The following KDM1A variants were observed in gnomAD, a reference collection of about 807,000 sequenced individuals.
The protein encoded by KDM1A is lysine-specific histone demethylase 1A.
A neutral mutation model predicts 109.4 loss-of-function variants in KDM1A; 49 were observed. The ratio of observed to expected loss-of-function variants is 0.45; its 90% CI spans 0.36 to 0.57. The LOEUF is 0.57. Ranked by LOEUF, KDM1A falls within the 20% of genes least tolerant of loss-of-function variation. The pLI is 0.00. For synonymous variants in KDM1A, 380 were observed against 415.4 expected (o/e 0.91, Z 1.04); for missense variants, 668 against 1,116.6 (o/e 0.60, Z 5.73).
At position 23,081,433 on chromosome 1, in the gene KDM1A, T is replaced by C. The variant is rs1643618901; in HGVS notation, c.2171-13T>C. On this transcript the variant is annotated splice_polypyrimidine_tract_variant and intron_variant, in intron 18 of 20. Transcript: ENST00000400181. ...GTAGGAAAACCCTAGAATTATCCTT[T>C]CTGTTTCCCCAGCTCCAATACTGTT... 3 of 1,613,820 alleles carry C rather than the reference T, an allele frequency of 1.9e-6. No individual in the cohort carries two copies. The highest frequency in any genetic ancestry group is 1.3e-5 in the African/African-American group (1 of 74,922).
intron 9 of KDM1A, 143 bp downstream of exon 9, chr1:23,059,310 G>A: frequency 1.4e-6 from 1 of 736,914 alleles, no homozygotes; most frequent in Non-Finnish European, 2.5e-6. Context: ...ATGATGTGAT[G>A]TTATTCTGGT....
chr1:23,068,483 T>C (rs1643217659), intron 10 of KDM1A, 56 bp from the exon 11 acceptor site: 1 of 1,426,842 alleles, frequency 7.0e-7, no homozygotes. Context: ...TGTGTTTTCA[T>C]GGATGGTTAT....
intron 2 of KDM1A, among the ~76,000 whole-genome samples, chr1:23,034,517 T>C (rs1449859609): frequency 1.3e-5 from 2 of 151,098 alleles, no homozygotes; most frequent in East Asian, 1.9e-4. Flanking sequence ...TTGCTCAGAT[T>C]GTTACCCTGT....
chr1:23,056,074 A>G lies in KDM1A; in HGVS notation c.990+36A>G, dbSNP rs370705969. 54 of 1,350,774 alleles carry G rather than the reference A, an allele frequency of 4.0e-5. No individual in the cohort carries two copies. In the South Asian group the frequency reaches 4.3e-4, roughly 11 times the overall value. 83.7% of individuals were successfully genotyped at this position (1,350,774 alleles called of 1,614,324 possible). ...CATTTTGAGTTTAGAGGCTTGACCT[A>G]TTGGAAATATGGTAAGCAAATTATC... On this transcript the variant is annotated intron_variant, in intron 7 of 20. Transcript: ENST00000400181.
rs1643221111 is a variant in KDM1A, at chr1:23,068,561, T to TG, written c.1204dup (p.Val402GlyfsTer6). On this transcript the variant is annotated frameshift_variant, in exon 11 of 21. Transcript: ENST00000400181. LOFTEE classifies it high-confidence loss of function. Reference sequence around the variant, plus strand: ...CAGGTTCCTAAAGAGAAAGATGAAATGGTAGAGCAAGAGTTTAACCGGTTG... The same window carrying TG: ...CAGGTTCCTAAAGAGAAAGATGAAATGGGTAGAGCAAGAGTTTAACCGGTTG... 1 of 1,590,326 alleles carries TG rather than the reference T, an allele frequency of 6.3e-7. No individual in the cohort carries two copies. The highest frequency in any genetic ancestry group is 8.5e-7 in the Non-Finnish European group (1 of 1,173,870).
At position 23,078,981 on chromosome 1, in the gene KDM1A, C is replaced by T. The variant is rs768065301; in HGVS notation, c.1868-9C>T. 2.4e-5 allele frequency: 38 copies of T among 1,610,380 alleles called. No individual in the cohort carries two copies. The highest frequency in any genetic ancestry group is 3.0e-5 in the Non-Finnish European group (35 of 1,177,396). Reference sequence around the variant, plus strand: ...TCACCACTAGTCTTTTCCCACCCAACCTCTGCAGGATGTGAAGTGATAGCT... The same window carrying T: ...TCACCACTAGTCTTTTCCCACCCAATCTCTGCAGGATGTGAAGTGATAGCT... On this transcript the variant is annotated splice_polypyrimidine_tract_variant and intron_variant, in intron 16 of 20. Coordinates refer to ENST00000400181, the MANE Select transcript of KDM1A (RefSeq NM_001009999.3).
intron 2 of KDM1A, among the ~76,000 whole-genome samples, chr1:23,031,765 G>T (rs1311200330): frequency 6.6e-6 from 1 of 152,162 alleles, no homozygotes; most frequent in Non-Finnish European, 1.5e-5. Context: ...AAGGAATACA[G>T]TTTGAGAACA....
chr1:23,061,252 G>A (rs1642991572), intron 9 of KDM1A, among the ~76,000 whole-genome samples: 1 of 152,112 alleles, frequency 6.6e-6, no homozygotes. Flanking sequence ...TTCAGATGGT[G>A]ACTTTTTTTT....
chr1:23,062,767 C>A (rs1401410749), intron 9 of KDM1A, among the ~76,000 whole-genome samples: 6 of 152,084 alleles, frequency 3.9e-5, no homozygotes, highest in African/African-American at 1.2e-4. Flanking sequence ...ACAACAAAGT[C>A]TTCCTTAGTA....
intron 19 of KDM1A, 58 bp from the exon 20 acceptor site, chr1:23,082,162 A>C: frequency 6.3e-7 from 1 of 1,578,196 alleles, no homozygotes; most frequent in Non-Finnish European, 8.7e-7. Context: ...TCCACCTTTC[A>C]AGGATTGATT....
rs1643496731 is a variant in KDM1A at position 23,077,363 on chromosome 1, AT to A, written c.1867+4del. The A allele has an allele frequency of 6.2e-7, 1 of 1,610,192 alleles. No homozygotes were observed. The highest frequency in any genetic ancestry group is 8.5e-7 in the Non-Finnish European group (1 of 1,177,522). ...ACAGGTTCGCTACACGGCTTCAGGT[AT>A]GTCACTGCTTTACAAAAGGTAAGAG... On this transcript the variant is annotated splice_donor_region_variant and intron_variant, in intron 16 of 20. Coordinates refer to ENST00000400181, the MANE Select transcript of KDM1A (RefSeq NM_001009999.3).
intron 9 of KDM1A, among the ~76,000 whole-genome samples, chr1:23,064,033 C>T (rs1445843929): frequency 6.6e-6 from 1 of 152,116 alleles, no homozygotes; most frequent in African/African-American, 2.4e-5. Flanking sequence ...ACCACAGGCA[C>T]ACACCCCTAC....
At chr1:23,048,212 C>G (rs1478408606) in intron 3 of KDM1A, among the ~76,000 whole-genome samples, 2 of 150,096 alleles carry the variant, frequency 1.3e-5, no homozygotes, top group Non-Finnish European at 3.0e-5. Flanking sequence ...TAGATAAGTT[C>G]TTTATAATGT....
intron 2 of KDM1A, among the ~76,000 whole-genome samples, chr1:23,038,154 G>A (rs892814990): frequency 2.6e-5 from 4 of 152,116 alleles, no homozygotes; most frequent in Admixed American, 6.6e-5. Context: ...AGACCAGACA[G>A]ACACACATAC....
At chr1:23,038,341 A>G (rs1408214289) in intron 2 of KDM1A, among the ~76,000 whole-genome samples, 1 of 152,012 alleles carries the variant, frequency 6.6e-6, no homozygotes, top group East Asian at 1.9e-4. Flanking sequence ...TGAGAATGAC[A>G]GACTTTGGGA....
chr1:23,057,214 G>A (rs1478768209), intron 7 of KDM1A, among the ~76,000 whole-genome samples: 1 of 152,144 alleles, frequency 6.6e-6, no homozygotes, highest in Non-Finnish European at 1.5e-5. Context: ...TCTTCCAGCT[G>A]TCAAGACTGT....
chr1:23,075,904 G>A (rs1342986057), intron 15 of KDM1A, among the ~76,000 whole-genome samples: 4 of 152,014 alleles, frequency 2.6e-5, no homozygotes, highest in African/African-American at 7.2e-5. Flanking sequence ...CCGAGATCAC[G>A]CCACTGCACT....
intron 19 of KDM1A, chr1:23,081,996 G>GGTCACC: frequency 3.9e-6 from 2 of 512,970 alleles, no homozygotes; most frequent in Non-Finnish European, 6.9e-6. Context: ...GTAGATCTCT[G>GGTCACC]GATTCATAGA....
intron 9 of KDM1A, among the ~76,000 whole-genome samples, chr1:23,062,000 G>T (rs1438914170): frequency 2.6e-5 from 4 of 152,148 alleles, no homozygotes; most frequent in Admixed American, 2.6e-4. Flanking sequence ...AGTACAAAGA[G>T]CCCCACTAAT....
Sources: allele counts gnomAD v4.1 joint callset (sites outside exome capture counted in the v4.1 genomes callset), GRCh38; gene constraint gnomAD v4.1.1; transcripts MANE v1.5; gene names NCBI Gene and HGNC (gene_info 2026-07-23, HGNC 2026-07-21).